CFAP53: variants seen among roughly 807,000 people sequenced by gnomAD.
The protein encoded by CFAP53 is cilia and flagella associated protein 53, also known as cilia- and flagella-associated protein 53.
Under a neutral mutation model 59.7 loss-of-function variants are expected in CFAP53, and 62 were observed. The observed-to-expected ratio is 1.04, with a 90% CI of 0.85 to 1.28. CFAP53 has a LOEUF of 1.28. Ranked by LOEUF, CFAP53 falls within the 50% of genes most tolerant of loss-of-function variation. CFAP53 has a pLI of 0.00. For missense variants in CFAP53, 629 were observed against 615.6 expected, an observed-to-expected ratio of 1.02 and a Z score of -0.23; for synonymous variants, 218 against 205.7, an observed-to-expected ratio of 1.06 and a Z score of -0.51.
In CFAP53 at chr18:50,237,401, CACAT is replaced by C. The variant is rs1167716773; in HGVS notation, c.1316+1198_1316+1201del. Among the ~76,000 whole-genome samples, 69 of 97,570 alleles carry C rather than the reference CACAT, an allele frequency of 7.1e-4. 1 individual carries two copies. Among genetic ancestry groups the C allele is most frequent in the South Asian group, 1.6e-3 (4 of 2,484 alleles). The allele number at this position is 97,570 out of a possible 152,430, so 64.0% of individuals were successfully genotyped here. ...ACACACACATACACACACACACACACACATATATATATATATGAGAAGGAAAGAT... is the reference window on the plus strand; with the variant it reads ...ACACACACATACACACACACACACACATATATATATATGAGAAGGAAAGAT... On this transcript the variant is annotated intron_variant, in intron 7 of 7. Transcript: ENST00000398545.
intron 1 of CFAP53, among the ~76,000 whole-genome samples, chr18:50,262,747 T>C (rs1219480059): frequency 6.6e-6 from 1 of 152,240 alleles, no homozygotes; most frequent in African/African-American, 2.4e-5. Flanking sequence ...TATGTGTGTG[T>C]GTATATATAT....
chr18:50,241,996 G>A (rs564385759), intron 6 of CFAP53, among the ~76,000 whole-genome samples: 55 of 152,256 alleles, frequency 3.6e-4, no homozygotes, highest in Middle Eastern at 3.4e-3. Context: ...CAGAGCAGCT[G>A]TCTATAGACC....
chr18:50,253,141 G>C (rs995191104), intron 3 of CFAP53, among the ~76,000 whole-genome samples: 2 of 151,702 alleles, frequency 1.3e-5, no homozygotes, highest in African/African-American at 4.8e-5. Flanking sequence ...CTCAGCCTCC[G>C]GAGTAGCTGG....
chr18:50,233,753 G>A (rs2033604592), intron 7 of CFAP53, among the ~76,000 whole-genome samples: 1 of 152,158 alleles, frequency 6.6e-6, no homozygotes, highest in African/African-American at 2.4e-5. Context: ...ACTAACTTCT[G>A]GATATGCCCA....
At chr18:50,262,740 G>A (rs1280587110) in intron 1 of CFAP53, among the ~76,000 whole-genome samples, 1 of 151,996 alleles carries the variant, frequency 6.6e-6, no homozygotes, top group African/African-American at 2.4e-5. Flanking sequence ...ACATGTATAT[G>A]TGTGTGTGTA....
intron 5 of CFAP53, among the ~76,000 whole-genome samples, chr18:50,249,819 T>A (rs768691690): frequency 4.6e-5 from 7 of 152,224 alleles, no homozygotes; most frequent in Non-Finnish European, 1.0e-4. Flanking sequence ...CTGACTGGCA[T>A]GGTACTATAG....
At position 50,261,107 on chromosome 18, in the gene CFAP53, C is replaced by CT. The variant is rs2033888783; in HGVS notation, c.429dup (p.Glu144ArgfsTer8). 2 of 1,600,772 alleles carry CT rather than the reference C, an allele frequency of 1.2e-6. No individual in the cohort carries two copies. Among genetic ancestry groups the CT allele is most frequent in the South Asian group, 2.3e-5 (2 of 86,610 alleles). On this transcript the variant is annotated frameshift_variant, in exon 3 of 8. Coordinates refer to ENST00000398545, the MANE Select transcript of CFAP53 (RefSeq NM_145020.5). LOFTEE classifies it high-confidence loss of function. ...TTTTCAGCCACAAAATCCTGCCTCT[C>CT]TTTTTCATTCTTCTCTTTTAGTAAT...
At chr18:50,250,030 G>A (rs1304565409) in intron 5 of CFAP53, among the ~76,000 whole-genome samples, 1 of 152,036 alleles carries the variant, frequency 6.6e-6, no homozygotes, top group African/African-American at 2.4e-5. Context: ...ACCAGGCTGG[G>A]CAACTTGGCA....
At position 50,257,232 on chromosome 18, in the gene CFAP53, A is replaced by G. The variant is rs76637278; in HGVS notation, c.473+3832T>C. On this transcript the variant is annotated intron_variant, in intron 3 of 7. Transcript: ENST00000398545. ...GAAAAAAGGGGCAAAATGCACCATC[A>G]CTACTATTATTCAACATAGCACTGG... Among the ~76,000 whole-genome samples the G allele has an allele frequency of 7.4e-3, 1,127 of 152,278 alleles. 27 individuals are homozygous for G. The East Asian group carries it at 0.074, about 10-fold the overall frequency.
intron 5 of CFAP53, among the ~76,000 whole-genome samples, chr18:50,248,833 C>G (rs1030306699): frequency 2.7e-5 from 4 of 149,238 alleles, no homozygotes; most frequent in African/African-American, 9.8e-5. Flanking sequence ...AAAACCTGTA[C>G]TCAAATGATT....
At chr18:50,264,309 T>C (rs931723057) in intron 1 of CFAP53, among the ~76,000 whole-genome samples, 2 of 152,188 alleles carry the variant, frequency 1.3e-5, no homozygotes, top group Non-Finnish European at 2.9e-5. Context: ...CATCTCCAGT[T>C]ATAGTTATTA....
chr18:50,230,794 G>A (rs2033575984), intron 7 of CFAP53, among the ~76,000 whole-genome samples: 1 of 152,170 alleles, frequency 6.6e-6, no homozygotes, highest in African/African-American at 2.4e-5. Context: ...AGAATTTGTT[G>A]TTGGGGTCAG....
At chr18:50,259,670 T>A (rs1041093580) in intron 3 of CFAP53, among the ~76,000 whole-genome samples, 2 of 152,170 alleles carry the variant, frequency 1.3e-5, no homozygotes, top group South Asian at 2.1e-4. Flanking sequence ...TGACCTCAGG[T>A]AATACACCCA....
Position 50,238,714 on chromosome 18 carries a change from A to G in CFAP53, c.1214-9T>C, listed in dbSNP as rs532029013. 4.4e-6 allele frequency: 7 copies of G among 1,595,738 alleles called. No individual in the cohort carries two copies. The highest frequency in any genetic ancestry group is 5.1e-6 in the Non-Finnish European group (6 of 1,166,104). ...TTTAGCTTCTCGTTGCACTAAGAAA[A>G]GCAAAAGTAATTATATGTCAAATGA... On this transcript the variant is annotated splice_polypyrimidine_tract_variant and intron_variant, in intron 6 of 7. Transcript: ENST00000398545.
intron 7 of CFAP53, among the ~76,000 whole-genome samples, chr18:50,230,213 T>C (rs901660287): frequency 5.9e-5 from 9 of 152,228 alleles, no homozygotes; most frequent in African/African-American, 2.2e-4. Flanking sequence ...TTGTAATTCA[T>C]AGGAACACCC....
chr18:50,243,037 T>A lies in CFAP53; in HGVS notation c.1076A>T (p.Glu359Val). The A allele has an allele frequency of 6.2e-7, 1 of 1,613,974 alleles. No individual in the cohort carries two copies. The highest frequency in any genetic ancestry group is 8.5e-7 in the Non-Finnish European group (1 of 1,179,976). ...GTCTTCCTCTAATATTCTGTCAAATTCTTTCTCCTGAGCTTTTTCTTCCTC... is the reference window on the plus strand; with the variant it reads ...GTCTTCCTCTAATATTCTGTCAAATACTTTCTCCTGAGCTTTTTCTTCCTC... Reference protein sequence around the residue: ...RREEEKAQEKEFDRILEEDKA... With the variant: ...RREEEKAQEKVFDRILEEDKA... Residue 359 changes from glutamate to valine, a missense_variant, in exon 6 of 8, where the codon GAA becomes GTA. Glu to Val is a moderately radical substitution (Grantham distance 121). Transcript: ENST00000398545.
chr18:50,229,371 T>C (rs1445243364), intron 7 of CFAP53, among the ~76,000 whole-genome samples: 1 of 152,216 alleles, frequency 6.6e-6, no homozygotes, highest in Non-Finnish European at 1.5e-5. Context: ...TCACTTAGCA[T>C]AATGTCCTCC....
At chr18:50,241,917 G>A (rs2033693611) in intron 6 of CFAP53, among the ~76,000 whole-genome samples, 1 of 152,120 alleles carries the variant, frequency 6.6e-6, no homozygotes, top group South Asian at 2.1e-4. Flanking sequence ...ATCCTAGTAA[G>A]CCTGAGGGTA....
At chr18:50,244,329 T>C (rs946949775) in intron 5 of CFAP53, among the ~76,000 whole-genome samples, 4 of 152,150 alleles carry the variant, frequency 2.6e-5, no homozygotes, top group African/African-American at 4.8e-5. Context: ...CCATGAGATC[T>C]GATGGTTTAA....
Sources: allele counts gnomAD v4.1 joint callset (sites outside exome capture counted in the v4.1 genomes callset), GRCh38; gene constraint gnomAD v4.1.1; transcripts MANE v1.5; gene names NCBI Gene and HGNC (gene_info 2026-07-23, HGNC 2026-07-21).